Variants in CACNA2D1 observed in about 807,000 individuals in gnomAD.
CACNA2D1 encodes calcium voltage-gated channel auxiliary subunit alpha2delta 1, also known as voltage-dependent calcium channel subunit alpha-2/delta-1.
CACNA2D1 carries 53 observed loss-of-function variants against 171.5 expected under a neutral mutation model. The ratio of observed to expected loss-of-function variants is 0.31; its 90% CI spans 0.25 to 0.39. The LOEUF is 0.39. Among genes scored for constraint, CACNA2D1 ranks in the 10% least tolerant of loss-of-function variants. The pLI is 1.00. For missense variants in CACNA2D1, 903 were observed against 1,299.8 expected, an observed-to-expected ratio of 0.69 and a Z score of 4.69; for synonymous variants, 442 against 443.1, an observed-to-expected ratio of 1.00 and a Z score of 0.03.
At chr7:82,203,968 G>A (rs764740062) in intron 3 of CACNA2D1, among the ~76,000 whole-genome samples, 7 of 152,170 alleles carry the variant, frequency 4.6e-5, no homozygotes, top group African/African-American at 1.4e-4. Context: ...TACAAGTCCC[G>A]TAGCAGCAGA....
intron 3 of CACNA2D1, among the ~76,000 whole-genome samples, chr7:82,252,751 G>A (rs1465253615): frequency 2.6e-5 from 4 of 152,142 alleles, no homozygotes; most frequent in Middle Eastern, 6.8e-3. Context: ...TTAGCTGGGC[G>A]TGGTGGTGCG....
At chr7:82,341,725 A>G (rs75451089) in intron 2 of CACNA2D1, among the ~76,000 whole-genome samples, 10,311 of 152,170 alleles carry the variant, frequency 0.068, 473 homozygotes, top group African/African-American at 0.13. Context: ...ATCATTTTAC[A>G]AGATGCATGA....
intron 6 of CACNA2D1, among the ~76,000 whole-genome samples, chr7:82,099,290 A>G (rs1390407311): frequency 2.0e-5 from 3 of 151,932 alleles, no homozygotes; most frequent in Non-Finnish European, 4.4e-5. Context: ...CCTTCCATTC[A>G]CTATTCCTAG....
chr7:82,076,695 A>C (rs1478122136), intron 7 of CACNA2D1, among the ~76,000 whole-genome samples: 1 of 152,138 alleles, frequency 6.6e-6, no homozygotes, highest in East Asian at 1.9e-4. Flanking sequence ...TAATCATTGC[A>C]TTACAGTGCC....
At chr7:82,127,853 T>A (rs1474510113) in intron 5 of CACNA2D1, among the ~76,000 whole-genome samples, 2 of 152,178 alleles carry the variant, frequency 1.3e-5, no homozygotes, top group Admixed American at 6.5e-5. Context: ...GTGCCTTCTA[T>A]CCTTCCATGA....
intron 7 of CACNA2D1, among the ~76,000 whole-genome samples, chr7:82,073,575 T>G (rs1808577919): frequency 6.6e-6 from 1 of 152,052 alleles, no homozygotes; most frequent in African/African-American, 2.4e-5. Context: ...TGGGGGCAAG[T>G]CTTCATATGT....
At chr7:82,346,152 C>G (rs542370587) in intron 2 of CACNA2D1, among the ~76,000 whole-genome samples, 29 of 152,152 alleles carry the variant, frequency 1.9e-4, no homozygotes, top group Non-Finnish European at 3.8e-4. Flanking sequence ...TCATTTTGCA[C>G]CCAGGCATGG....
At chr7:82,186,519 C>T (rs927293932) in intron 3 of CACNA2D1, among the ~76,000 whole-genome samples, 53 of 152,120 alleles carry the variant, frequency 3.5e-4, no homozygotes, top group African/African-American at 1.2e-3. Flanking sequence ...CTGCCATTGG[C>T]ATTATGGGGG....
At chr7:82,022,337 A>T (rs1801328579) in intron 12 of CACNA2D1, among the ~76,000 whole-genome samples, 2 of 151,958 alleles carry the variant, frequency 1.3e-5, no homozygotes, top group African/African-American at 4.8e-5. Context: ...GCTTCACAGT[A>T]ACTCCAGAAT....
At chr7:82,180,636 C>T (rs529377736) in intron 3 of CACNA2D1, among the ~76,000 whole-genome samples, 1 of 152,280 alleles carries the variant, frequency 6.6e-6, no homozygotes, top group African/African-American at 2.4e-5. Flanking sequence ...TAGGAGAGCC[C>T]TGATGAGGCG....
intron 3 of CACNA2D1, among the ~76,000 whole-genome samples, chr7:82,181,567 T>C (rs567150053): frequency 1.4e-4 from 21 of 152,348 alleles, no homozygotes; most frequent in South Asian, 4.1e-4. Flanking sequence ...CTAATGTGCA[T>C]TGAAGTTTGA....
chr7:82,358,963 T>A (rs939078016), intron 1 of CACNA2D1, among the ~76,000 whole-genome samples: 11 of 152,270 alleles, frequency 7.2e-5, no homozygotes, highest in Non-Finnish European at 1.5e-4. Flanking sequence ...TACTTTGGGG[T>A]TGATAGTAAC....
chr7:82,138,440 G>GTTTTTTTTTTTT (rs1423711232), intron 4 of CACNA2D1, among the ~76,000 whole-genome samples: 1 of 95,352 alleles, frequency 1.0e-5, no homozygotes, highest in African/African-American at 3.6e-5. Context: ...TGTTTTTTTT[G>GTTTTTTTTTTTT]TTTTTTTTGT....
chr7:82,267,329 A>T (rs1393136568), intron 3 of CACNA2D1, among the ~76,000 whole-genome samples: 1 of 152,140 alleles, frequency 6.6e-6, no homozygotes, highest in Non-Finnish European at 1.5e-5. Context: ...TCAGATTGCT[A>T]ATCTTTTGCT....
chr7:82,321,584 G>C (rs1019581166), intron 3 of CACNA2D1, among the ~76,000 whole-genome samples: 1 of 152,032 alleles, frequency 6.6e-6, no homozygotes, highest in African/African-American at 2.4e-5. Flanking sequence ...TGTGTATAAA[G>C]CACTTCCCAC....
chr7:81,969,637 T>G (rs1334569235), intron 28 of CACNA2D1, among the ~76,000 whole-genome samples: 1 of 151,382 alleles, frequency 6.6e-6, no homozygotes, highest in Non-Finnish European at 1.5e-5. Flanking sequence ...CTATTTCTTA[T>G]GCATGCCTAA....
chr7:82,196,263 T>G (rs1798843058), intron 3 of CACNA2D1, among the ~76,000 whole-genome samples: 1 of 152,098 alleles, frequency 6.6e-6, no homozygotes, highest in Admixed American at 6.6e-5. Flanking sequence ...AACCACTAGC[T>G]TTGGGGCCTA....
At chr7:82,051,090 A>T in intron 10 of CACNA2D1, 1 of 161,912 alleles carries the variant, frequency 6.2e-6, no homozygotes, top group East Asian at 1.7e-4. Flanking sequence ...AAACCAACAT[A>T]TATTGGCTCC....
rs572398852 is a variant in CACNA2D1 at position 82,157,649 on chromosome 7, C to T, written c.354+12901G>A. ...ATTCCCTCCTAGCCAAAGAAGCAGG[C>T]TTACGTTATCTTGAATATATGATCT... On this transcript the variant is annotated intron_variant, in intron 4 of 38. Transcript: ENST00000356860. 2.6e-5 allele frequency among the ~76,000 whole-genome samples: 4 copies of T among 152,044 alleles called. No individual in the cohort carries two copies. In the South Asian group the frequency reaches 8.3e-4, roughly 32 times the overall value.
Sources: allele counts gnomAD v4.1 joint callset (sites outside exome capture counted in the v4.1 genomes callset), GRCh38; gene constraint gnomAD v4.1.1; transcripts MANE v1.5; gene names NCBI Gene and HGNC (gene_info 2026-07-23, HGNC 2026-07-21).